The following EXOC6 variants were observed in gnomAD, a reference collection of about 807,000 sequenced individuals.
EXOC6 encodes the protein SEC15-like 1.
A neutral mutation model predicts 112.5 loss-of-function variants in EXOC6; 60 were observed. That is an observed-to-expected ratio of 0.53 (90% CI 0.43 to 0.66). EXOC6 has a LOEUF of 0.66. Among genes scored for constraint, EXOC6 ranks in the 30% least tolerant of loss-of-function variants. The probability of loss-of-function intolerance (pLI) is 0.00; values close to 1 mark genes in which losing one functional copy is unlikely to be tolerated. For synonymous variants in EXOC6, 295 were observed against 308.0 expected (o/e 0.96, Z 0.44); for missense variants, 855 against 957.1 (o/e 0.89, Z 1.41).
At chr10:92,862,429 C>T (rs1465828533) in intron 1 of EXOC6, among the ~76,000 whole-genome samples, 3 of 152,132 alleles carry the variant, frequency 2.0e-5, no homozygotes, top group East Asian at 1.9e-4. Context: ...GCACATCACT[C>T]ATGAATGGGA....
intron 8 of EXOC6, among the ~76,000 whole-genome samples, chr10:92,920,839 A>G (rs1186320586): frequency 1.3e-5 from 2 of 152,212 alleles, no homozygotes; most frequent in African/African-American, 4.8e-5. Flanking sequence ...AAAAAATCAT[A>G]AAATATCTTT....
intron 18 of EXOC6, among the ~76,000 whole-genome samples, chr10:92,986,776 G>C (rs969804149): frequency 6.7e-6 from 1 of 149,974 alleles, no homozygotes; most frequent in African/African-American, 2.5e-5. Flanking sequence ...AGTACTTTAA[G>C]GATAGTTTAA....
chr10:92,866,063 A>G (rs1176623820), intron 1 of EXOC6, among the ~76,000 whole-genome samples: 3 of 152,182 alleles, frequency 2.0e-5, no homozygotes, highest in African/African-American at 7.2e-5. Context: ...GTGAATCTGC[A>G]TAGTTCAAAC....
intron 20 of EXOC6, among the ~76,000 whole-genome samples, chr10:93,039,146 T>A (rs1845652756): frequency 6.6e-6 from 1 of 152,324 alleles, no homozygotes; most frequent in Admixed American, 6.5e-5. Context: ...AAATTTTTAC[T>A]AATATACACC....
At chr10:92,951,486 G>T (rs1278152492) in intron 14 of EXOC6, among the ~76,000 whole-genome samples, 1 of 152,102 alleles carries the variant, frequency 6.6e-6, no homozygotes, top group Non-Finnish European at 1.5e-5. Flanking sequence ...AAAAAGTCAG[G>T]TAACATGAGA....
Position 92,998,628 on chromosome 10 carries a change from C to CACA in EXOC6, c.2095+1013_2095+1014insACA, listed in dbSNP as rs1554915172. Among the ~76,000 whole-genome samples, 39 of 141,442 alleles carry CACA rather than the reference C, an allele frequency of 2.8e-4. 1 individual carries two copies. In the East Asian group the frequency reaches 7.9e-3, roughly 29 times the overall value. The allele number at this position is 141,442 out of a possible 152,430, so 92.8% of individuals were successfully genotyped here. Reference sequence around the variant, plus strand: ...GACAAGATCAATTGTCTGTTGCACACCACACACACACACACACACACACAC... The same window carrying CACA: ...GACAAGATCAATTGTCTGTTGCACACACACACACACACACACACACACACACAC... On this transcript the variant is annotated intron_variant, in intron 19 of 21. Coordinates refer to ENST00000260762, the MANE Select transcript of EXOC6 (RefSeq NM_019053.6).
At chr10:92,962,607 G>A (rs913638987) in intron 17 of EXOC6, among the ~76,000 whole-genome samples, 2 of 152,010 alleles carry the variant, frequency 1.3e-5, no homozygotes, top group African/African-American at 4.8e-5. Context: ...TGCCCAGGCT[G>A]GTCTCGAACT....
In EXOC6 at chr10:92,940,828, A is replaced by G; in HGVS notation, c.1310+4A>G. On this transcript the variant is annotated splice_donor_region_variant and intron_variant, in intron 13 of 21. Coordinates refer to ENST00000260762, the MANE Select transcript of EXOC6 (RefSeq NM_019053.6). ...AGAAATGGGCTGGAGTTTTCAGGTT[A>G]GTCTAAGTCATGGTGCCTTAATATA... is the stretch of plus-strand genomic sequence containing the variant. 6.3e-7 allele frequency: 1 copy of G among 1,579,952 alleles called. No homozygotes were observed. The highest frequency in any genetic ancestry group is 8.7e-7 in the Non-Finnish European group (1 of 1,153,058).
At chr10:92,839,773 G>A (rs1053480729) in intron 1 of EXOC6, among the ~76,000 whole-genome samples, 7 of 151,784 alleles carry the variant, frequency 4.6e-5, no homozygotes, top group African/African-American at 1.7e-4. Flanking sequence ...CTGTAGCTGA[G>A]CCTGAGATGA....
upstream of EXOC6, among the ~76,000 whole-genome samples, chr10:92,844,706 G>A (rs1313827336): frequency 2.6e-5 from 4 of 152,088 alleles, no homozygotes; most frequent in Admixed American, 1.3e-4. Context: ...AACCCTAGTC[G>A]CCAATGCTAA....
chr10:93,031,850 C>T (rs1236698767), intron 20 of EXOC6, among the ~76,000 whole-genome samples: 2 of 151,922 alleles, frequency 1.3e-5, no homozygotes, highest in East Asian at 1.9e-4. Context: ...ATAATACTAC[C>T]CCTCACTTCA....
chr10:93,044,807 C>G (rs747120481), intron 20 of EXOC6, among the ~76,000 whole-genome samples: 5 of 152,070 alleles, frequency 3.3e-5, no homozygotes, highest in Non-Finnish European at 7.4e-5. Flanking sequence ...GCTTGAGTTC[C>G]ATTTTAAATA....
intron 17 of EXOC6, among the ~76,000 whole-genome samples, chr10:92,969,872 T>A (rs1308190389): frequency 2.6e-5 from 4 of 152,084 alleles, no homozygotes; most frequent in Non-Finnish European, 4.4e-5. Context: ...TTTTGTATTT[T>A]TGGTAGAGAC....
chr10:92,990,891 G>A (rs1843205405), intron 18 of EXOC6, among the ~76,000 whole-genome samples: 1 of 152,032 alleles, frequency 6.6e-6, no homozygotes, highest in Admixed American at 6.6e-5. Context: ...AGCAAATGAA[G>A]TTCTGCTTGT....
At chr10:92,919,931 G>C (rs761900463) in intron 7 of EXOC6, 51 bp from the exon 8 acceptor site, 1 of 1,085,380 alleles carries the variant, frequency 9.2e-7, no homozygotes, top group Non-Finnish European at 1.3e-6. Flanking sequence ...TTATCTAATG[G>C]TGGTCTAATA....
upstream of EXOC6, among the ~76,000 whole-genome samples, chr10:92,831,518 C>T (rs1238583551): frequency 6.6e-6 from 1 of 152,100 alleles, no homozygotes; most frequent in East Asian, 1.9e-4. Flanking sequence ...ACTGCAACCT[C>T]CACCTGCCGG....
rs531636690 is a variant in EXOC6, at chr10:92,859,675, C to T, written c.101+11041C>T. 2.1e-4 allele frequency among the ~76,000 whole-genome samples: 32 copies of T among 152,288 alleles called. 1 individual carries two copies. Among genetic ancestry groups the T allele is most frequent in the African/African-American group, 6.3e-4 (26 of 41,566 alleles). ...CAGAAGTCTAGCTTTAACCTAATCT[C>T]GGGGAATTCTAGAGCTTGAATGACA... On this transcript the variant is annotated intron_variant, in intron 1 of 21. Transcript: ENST00000260762.
chr10:93,009,520 A>T (rs1029488519), intron 19 of EXOC6, among the ~76,000 whole-genome samples: 9 of 152,210 alleles, frequency 5.9e-5, no homozygotes, highest in African/African-American at 2.2e-4. Context: ...CCAGACAGAT[A>T]AACAATTACA....
intron 1 of EXOC6, among the ~76,000 whole-genome samples, chr10:92,850,367 C>G (rs1300594789): frequency 6.6e-6 from 1 of 152,150 alleles, no homozygotes; most frequent in Non-Finnish European, 1.5e-5. Flanking sequence ...ACTCTCTTTT[C>G]TTTAGCAATC....
Sources: allele counts gnomAD v4.1 joint callset (sites outside exome capture counted in the v4.1 genomes callset), GRCh38; gene constraint gnomAD v4.1.1; transcripts MANE v1.5; gene names NCBI Gene and HGNC (gene_info 2026-07-23, HGNC 2026-07-21).